The following CGGBP1 variants were observed in gnomAD, a reference collection of about 807,000 sequenced individuals.
CGGBP1 encodes CGG triplet repeat-binding protein 1.
Under a neutral mutation model 11.4 loss-of-function variants are expected in CGGBP1, and 4 were observed. The observed-to-expected ratio is 0.35, with a 90% CI of 0.17 to 0.80. CGGBP1 has a LOEUF of 0.80. Among genes scored for constraint, CGGBP1 ranks in the 30% least tolerant of loss-of-function variants. The pLI is 0.52. For missense variants in CGGBP1, 135 were observed against 202.1 expected (o/e 0.67, Z 2.01); for synonymous variants, 76 against 74.1 (o/e 1.03, Z -0.13).
intron 2 of CGGBP1, among the ~76,000 whole-genome samples, chr3:88,095,247 G>A (rs912513310): frequency 2.0e-5 from 3 of 151,924 alleles, no homozygotes; most frequent in Non-Finnish European, 4.4e-5. Context: ...AGGACTATCA[G>A]TTATGTTAAA....
intron 1 of CGGBP1, among the ~76,000 whole-genome samples, chr3:88,145,455 G>T (rs1707294631): frequency 6.6e-6 from 1 of 152,090 alleles, no homozygotes; most frequent in Admixed American, 6.6e-5. Flanking sequence ...TATGATCTTA[G>T]ACTCAATATA....
intron 2 of CGGBP1, among the ~76,000 whole-genome samples, chr3:88,122,455 C>A (rs61296869): frequency 6.6e-6 from 1 of 152,092 alleles, no homozygotes; most frequent in Non-Finnish European, 1.5e-5. Context: ...GTTGTAGGTG[C>A]CTTCTCTAAA....
intron 2 of CGGBP1, among the ~76,000 whole-genome samples, chr3:88,086,582 AAGTTTTAAT>A (rs1708345862): frequency 6.6e-6 from 1 of 152,164 alleles, no homozygotes; most frequent in South Asian, 2.1e-4. Context: ...ATTTTACTTT[AAGTTTTAAT>A]AGTTAAATGG....
intron 2 of CGGBP1, among the ~76,000 whole-genome samples, chr3:88,109,549 T>C (rs1704964077): frequency 1.3e-5 from 2 of 152,190 alleles, no homozygotes; most frequent in Non-Finnish European, 2.9e-5. Context: ...TGCACAAATC[T>C]TTCTTGTATT....
At chr3:88,061,420 C>G (rs778965492), upstream of CGGBP1, among the ~76,000 whole-genome samples, 1 of 152,066 alleles carries the variant, frequency 6.6e-6, no homozygotes, top group Admixed American at 6.5e-5. Context: ...ACTTAATGAA[C>G]GTTTATTTTC....
intron 2 of CGGBP1, among the ~76,000 whole-genome samples, chr3:88,098,474 C>G (rs896133417): frequency 4.6e-5 from 7 of 152,188 alleles, no homozygotes; most frequent in Non-Finnish European, 1.0e-4. Flanking sequence ...CTCCCTAACT[C>G]TTTTTATGAG....
chr3:88,104,765 A>C (rs76287825), intron 2 of CGGBP1, among the ~76,000 whole-genome samples: 6,250 of 152,306 alleles, frequency 0.041, 368 homozygotes, highest in African/African-American at 0.13. Context: ...AGGAGGAAGA[A>C]GAGGTCAAAC....
At chr3:88,072,733 A>C (rs1231136066) in intron 2 of CGGBP1, among the ~76,000 whole-genome samples, 1 of 152,092 alleles carries the variant, frequency 6.6e-6, no homozygotes, top group Non-Finnish European at 1.5e-5. Flanking sequence ...ATATATATTC[A>C]TTTACCTCTT....
upstream of CGGBP1, among the ~76,000 whole-genome samples, chr3:88,063,446 T>C (rs527659222): frequency 1.8e-4 from 28 of 152,282 alleles, no homozygotes; most frequent in African/African-American, 6.3e-4. Flanking sequence ...TATTATAAAA[T>C]ACATTCTAAT....
At chr3:88,064,123 T>G (rs1167451210) in intron 2 of CGGBP1, among the ~76,000 whole-genome samples, 1 of 151,612 alleles carries the variant, frequency 6.6e-6, no homozygotes, top group Non-Finnish European at 1.5e-5. Context: ...TTTTTTTTTT[T>G]GCCACAGCTT....
chr3:88,100,683 A>G (rs1345700707), intron 2 of CGGBP1, among the ~76,000 whole-genome samples: 1 of 152,168 alleles, frequency 6.6e-6, no homozygotes, highest in Non-Finnish European at 1.5e-5. Context: ...GCTGGAAACC[A>G]TCATTCTCAG....
chr3:88,103,176 A>T (rs577554758), intron 2 of CGGBP1, among the ~76,000 whole-genome samples: 36 of 152,040 alleles, frequency 2.4e-4, no homozygotes, highest in South Asian at 2.3e-3. Flanking sequence ...ATTTTTTTTT[A>T]AAAAAGAGAC....
intron 2 of CGGBP1, among the ~76,000 whole-genome samples, chr3:88,112,216 CATAT>C (rs913815568): frequency 2.6e-5 from 4 of 151,276 alleles, no homozygotes; most frequent in African/African-American, 9.7e-5. Flanking sequence ...ATTTTAAAAG[CATAT>C]ATATTCTCAT....
chr3:88,149,592 A>ACATT (rs1238817452), intron 1 of CGGBP1: 1 of 154,898 alleles, frequency 6.5e-6, no homozygotes, highest in African/African-American at 2.4e-5. Context: ...GCCGCAGAAG[A>ACATT]CATTCAAGCG....
intron 2 of CGGBP1, among the ~76,000 whole-genome samples, chr3:88,109,177 G>GTGTGTA (rs1309461364): frequency 1.8e-4 from 28 of 151,442 alleles, no homozygotes; most frequent in Non-Finnish European, 3.8e-4. Flanking sequence ...GTGTGTGTGT[G>GTGTGTA]TGTATGAAGA....
chr3:88,108,097 T>C (rs1439182758), intron 2 of CGGBP1, among the ~76,000 whole-genome samples: 1 of 152,152 alleles, frequency 6.6e-6, no homozygotes, highest in Non-Finnish European at 1.5e-5. Context: ...CCTGGAGATA[T>C]TACTAGCTTG....
intron 2 of CGGBP1, among the ~76,000 whole-genome samples, chr3:88,118,158 C>T (rs1705526368): frequency 6.6e-6 from 1 of 152,096 alleles, no homozygotes; most frequent in South Asian, 2.1e-4. Flanking sequence ...AAAGTCTATC[C>T]TTATCCGGTG....
At chr3:88,131,418 A>T (rs1051974943) in intron 2 of CGGBP1, among the ~76,000 whole-genome samples, 1 of 152,206 alleles carries the variant, frequency 6.6e-6, no homozygotes, top group African/African-American at 2.4e-5. Context: ...TGGGAATAGA[A>T]ATGTTCTCTG....
chr3:88,144,231 T>G (rs1707253098), intron 1 of CGGBP1: 1 of 152,352 alleles, frequency 6.6e-6, no homozygotes, highest in African/African-American at 2.4e-5. Flanking sequence ...CATATTCATT[T>G]TTTTGAAACC....
Sources: allele counts gnomAD v4.1 joint callset (sites outside exome capture counted in the v4.1 genomes callset), GRCh38; gene constraint gnomAD v4.1.1; transcripts MANE v1.5; gene names NCBI Gene and HGNC (gene_info 2026-07-23, HGNC 2026-07-21).